TRPM5: variants seen among roughly 807,000 people sequenced by gnomAD.
TRPM5 encodes the protein MLSN1 and TRP-related.
TRPM5 carries 121 observed loss-of-function variants against 124.9 expected under a neutral mutation model. The observed-to-expected ratio is 0.97, with a 90% CI of 0.84 to 1.13. The LOEUF is 1.13. Among genes scored for constraint, TRPM5 ranks in the 50% most tolerant of loss-of-function variants. The pLI is 0.00. For missense variants in TRPM5, 1,643 were observed against 1,589.1 expected (o/e 1.03, Z -0.58); for synonymous variants, 781 against 700.5 (o/e 1.11, Z -1.81).
exon 9 of TRPM5, chr11:2,415,301 C>T (rs767422141): frequency 2.8e-5 from 44 of 1,580,750 alleles, no homozygotes; most frequent in Non-Finnish European, 2.9e-5. Context: ...CCTGCTTCCG[C>T]TGCAGCAGGT....
At chr11:2,406,685 T>C in exon 21 of TRPM5, 1 of 1,612,590 alleles carries the variant, frequency 6.2e-7, no homozygotes, top group Non-Finnish European at 8.5e-7. Flanking sequence ...CCGCAGCACC[T>C]CCCCCTCGCT....
chr11:2,411,252 A>G, intron 18 of TRPM5, 100 bp downstream of exon 23: 1 of 1,358,076 alleles, frequency 7.4e-7, no homozygotes, highest in Non-Finnish European at 9.7e-7. Flanking sequence ...TGGGGTCTCC[A>G]TGGCCCCAAC....
In TRPM5 at chr11:2,407,921, C is replaced by A; in HGVS notation, c.2783-9G>T. On this transcript the variant is annotated splice_polypyrimidine_tract_variant and intron_variant, in intron 18 of 23. Coordinates refer to ENST00000155858, the Ensembl canonical transcript of TRPM5. The stretch of plus-strand genomic sequence containing the variant: ...GCAGTTCACACGGGCTTCTGGAAAG[C>A]AAGGGTGCTGTGGGGACCAGACCGG... 6.2e-7 allele frequency: 1 copy of A among 1,612,706 alleles called. No individual in the cohort carries two copies. The highest frequency in any genetic ancestry group is 1.3e-5 in the African/African-American group (1 of 75,026).
At chr11:2,405,159 C>T (rs922077709) in intron 23 of TRPM5, 116 bp from the exon 29 acceptor site, 7 of 800,892 alleles carry the variant, frequency 8.7e-6, no homozygotes, top group Non-Finnish European at 1.4e-5. Context: ...AGAGTGAGTC[C>T]CCACAGGCCA....
chr11:2,415,252 G>A lies in TRPM5; in HGVS notation c.1348C>T (p.Gln450Ter), dbSNP rs898892942. The change falls in exon 9 of 24, where the codon CAG becomes TAG. Residue 450 changes from glutamine to a stop codon, truncating the protein, a stop_gained. Coordinates refer to ENST00000155858, the Ensembl canonical transcript of TRPM5. LOFTEE classifies it high-confidence loss of function. ...GGCCCCGCGGGTGGCTCCCGGGCCT[G>A]CTGGGTGCCCAGGCCGGCCAGCGTC... 2.5e-6 allele frequency: 4 copies of A among 1,571,044 alleles called. No homozygotes were observed. In the South Asian group the frequency reaches 3.5e-5, roughly 14 times the overall value.
intron 23 of TRPM5, 131 bp from the exon 29 acceptor site, chr11:2,405,174 G>T: frequency 1.4e-6 from 1 of 701,060 alleles, no homozygotes; most frequent in South Asian, 1.8e-5. Flanking sequence ...AGGCCAGCCT[G>T]GGGAAGATGG....
At chr11:2,405,630 T>G (rs377057927) in intron 22 of TRPM5, 37 bp from the exon 28 acceptor site, 38 of 1,549,426 alleles carry the variant, frequency 2.5e-5, no homozygotes, top group Non-Finnish European at 3.1e-5. Context: ...GCTCCAGGGC[T>G]CTCTCAGGAC....
At chr11:2,440,725 C>CT in the TRPM5 span, among the ~76,000 whole-genome samples, 1 of 152,298 alleles carries the variant, frequency 6.6e-6, no homozygotes, top group African/African-American at 2.4e-5. The surrounding 1 kb of genome is among the most constrained non-coding windows in gnomAD (Gnocchi z 5.2). Flanking sequence ...GGCACTCAGC[C>CT]GGTGCTCTGC....
chr11:2,422,142 T>G (rs745579585), exon 2 of TRPM5: 1 of 1,601,464 alleles, frequency 6.2e-7, no homozygotes, highest in Non-Finnish European at 8.5e-7. Flanking sequence ...GGGCCTCACC[T>G]GTGCTCTGAG....
At chr11:2,412,760 G>C in exon 15 of TRPM5, 1 of 1,596,476 alleles carries the variant, frequency 6.3e-7, no homozygotes, top group Non-Finnish European at 8.5e-7. Flanking sequence ...CGACCTGCCG[G>C]ATTTCCTCCA....
chr11:2,435,968 C>G, the TRPM5 span, among the ~76,000 whole-genome samples: 1 of 152,232 alleles, frequency 6.6e-6, no homozygotes, highest in African/African-American at 2.4e-5. This position sits in a 1 kb window ranked among gnomAD's most constrained non-coding sequence, Gnocchi z 4.1. Flanking sequence ...GGCCAGAGCA[C>G]CCCAAGAGCG....
At chr11:2,413,439 G>C (rs1261495489) in intron 13 of TRPM5, 37 bp downstream of exon 18, 7 of 1,564,762 alleles carry the variant, frequency 4.5e-6, no homozygotes, top group Non-Finnish European at 5.2e-6. Flanking sequence ...TCGCACTGCT[G>C]CCTGTCCTGG....
At chr11:2,438,756 A>C in the TRPM5 span, among the ~76,000 whole-genome samples, 2 of 152,222 alleles carry the variant, frequency 1.3e-5, no homozygotes, top group Non-Finnish European at 2.9e-5. This position sits in a 1 kb window ranked among gnomAD's most constrained non-coding sequence, Gnocchi z 5.9. Flanking sequence ...ACATTGTCCA[A>C]AGCAATCTAC....
At chr11:2,415,442 G>A (rs368438543) in exon 9 of TRPM5, 31 of 1,583,976 alleles carry the variant, frequency 2.0e-5, no homozygotes, top group Non-Finnish European at 2.1e-5. Context: ...TGACCAGGGC[G>A]TCCACCATCA....
chr11:2,410,653 C>G (rs1262482368), intron 18 of TRPM5: 1 of 452,604 alleles, frequency 2.2e-6, no homozygotes, highest in Non-Finnish European at 4.4e-6. Flanking sequence ...CCAAGCGGCT[C>G]TGACCCCCGC....
intron 20 of TRPM5, 148 bp from the exon 26 acceptor site, chr11:2,406,941 G>A: frequency 7.3e-6 from 10 of 1,368,850 alleles, no homozygotes; most frequent in Non-Finnish European, 7.8e-6. Context: ...CCTGTGCAAG[G>A]ACGGCCAAGC....
At chr11:2,414,600 C>T in intron 11 of TRPM5, 115 bp downstream of exon 16, 7 of 1,387,120 alleles carry the variant, frequency 5.0e-6, no homozygotes, top group East Asian at 2.6e-5. Context: ...CCTGAGGGCA[C>T]CTGGAGCCCC....
the TRPM5 span, among the ~76,000 whole-genome samples, chr11:2,443,248 TTATGACTG>T: frequency 6.6e-6 from 1 of 152,352 alleles, no homozygotes; most frequent in Admixed American, 6.5e-5. The surrounding 1 kb of genome is among the most constrained non-coding windows in gnomAD (Gnocchi z 5.0). Context: ...TTTTCTTTCT[TTATGACTG>T]TCCAGTTGTC....
chr11:2,421,073 G>A (rs965496978), exon 3 of TRPM5: 8 of 1,549,416 alleles, frequency 5.2e-6, no homozygotes, highest in Non-Finnish European at 4.3e-6. Flanking sequence ...ACGCGGCCCA[G>A]CGAGGCCATG....
Sources: allele counts gnomAD v4.1 joint callset (sites outside exome capture counted in the v4.1 genomes callset), GRCh38; gene constraint gnomAD v4.1.1; non-coding constraint Gnocchi (gnomAD v3.1); transcripts MANE v1.5; gene names NCBI Gene and HGNC (gene_info 2026-07-23, HGNC 2026-07-21).